The following DNM3 variants were observed in gnomAD, a reference collection of about 807,000 sequenced individuals.
DNM3 encodes the protein dynamin 3, also known as dynamin-3.
Under a neutral mutation model 101.6 loss-of-function variants are expected in DNM3, and 47 were observed. That is an observed-to-expected ratio of 0.46 (90% CI 0.37 to 0.59). The LOEUF is 0.59. Among genes scored for constraint, DNM3 ranks in the 20% least tolerant of loss-of-function variants. The pLI is 0.00. For missense variants in DNM3, 849 were observed against 1,085.7 expected, an observed-to-expected ratio of 0.78 and a Z score of 3.06; for synonymous variants, 385 against 387.9, an observed-to-expected ratio of 0.99 and a Z score of 0.09.
chr1:172,417,252 A>G (rs1397925805), downstream of DNM3, among the ~76,000 whole-genome samples: 1 of 152,150 alleles, frequency 6.6e-6, no homozygotes, highest in Non-Finnish European at 1.5e-5. Flanking sequence ...GAGTTCATTA[A>G]TGGTTTGGTT....
Position 172,354,256 on chromosome 1 carries a change from G to A in DNM3, c.1894-24762G>A, listed in dbSNP as rs1230267461. Among the ~76,000 whole-genome samples the A allele has an allele frequency of 4.6e-5, 7 of 152,198 alleles. No individual in the cohort carries two copies. In the East Asian group the frequency reaches 5.8e-4, roughly 13 times the overall value. On this transcript the variant is annotated intron_variant, in intron 17 of 20. Coordinates refer to ENST00000627582, the MANE Select transcript of DNM3 (RefSeq NM_015569.5). Reference sequence around the variant, plus strand: ...CTCTTGACCAGGAAGAGTTAGTCACGCAGACACTCTGAAGGATGAGAGAGA... The same window carrying A: ...CTCTTGACCAGGAAGAGTTAGTCACACAGACACTCTGAAGGATGAGAGAGA...
intron 2 of DNM3, among the ~76,000 whole-genome samples, chr1:171,980,457 C>T (rs1424166965): frequency 6.6e-6 from 1 of 152,114 alleles, no homozygotes; most frequent in Non-Finnish European, 1.5e-5. Flanking sequence ...GTGTTGGGAA[C>T]ATTCAAAATC....
rs777409762 is a variant in DNM3, at chr1:172,253,615, G to T, written c.1702G>T (p.Val568Phe). The T allele has an allele frequency of 2.5e-6, 4 of 1,593,486 alleles. No homozygotes were observed. In the Admixed American group the frequency reaches 7.0e-5, roughly 28 times the overall value. ...CATGCTTCCCTTGGACAACCTGAAA[G>T]TTCGGGATGTGGAAAAGAGCTTTAT... ...KYMLPLDNLK[V>F]RDVEKSFMSS... Residue 568 changes from valine (V) to phenylalanine (F), a missense_variant, in exon 15 of 21, where the codon GTT (valine) becomes TTT (phenylalanine). This residue lies in a region of DNM3 where 193 missense variants were observed against 238.4 expected (regional missense o/e 0.81). Transcript: ENST00000627582.
chr1:172,244,593 C>T (rs2061877446), intron 14 of DNM3, among the ~76,000 whole-genome samples: 1 of 152,126 alleles, frequency 6.6e-6, no homozygotes, highest in African/African-American at 2.4e-5. Context: ...AGCCAAAAAA[C>T]ACATGAAAAA....
intron 13 of DNM3, among the ~76,000 whole-genome samples, chr1:172,124,881 G>A (rs1471747029): frequency 6.6e-6 from 1 of 152,176 alleles, no homozygotes; most frequent in East Asian, 1.9e-4. Flanking sequence ...CTGTAAATGG[G>A]AAGACTCTTT....
intron 8 of DNM3, 45 bp from the exon 9 acceptor site, chr1:172,044,340 C>G (rs761470369): frequency 1.3e-6 from 2 of 1,487,836 alleles, no homozygotes; most frequent in Admixed American, 1.9e-5. Context: ...CAATATTATT[C>G]AAAGGAATTA....
chr1:171,958,114 C>T (rs1044099065), intron 2 of DNM3, among the ~76,000 whole-genome samples: 3 of 152,120 alleles, frequency 2.0e-5, no homozygotes, highest in Non-Finnish European at 2.9e-5. Context: ...GTGAAAGGCA[C>T]GTCTCACATG....
At chr1:172,024,782 C>T (rs1250607972) in intron 4 of DNM3, among the ~76,000 whole-genome samples, 4 of 152,228 alleles carry the variant, frequency 2.6e-5, no homozygotes, top group Admixed American at 6.5e-5. Context: ...AGATACTATG[C>T]TTTTCCCACG....
chr1:171,882,430 TAC>T (rs34753464), intron 1 of DNM3, among the ~76,000 whole-genome samples: 13,682 of 145,146 alleles, frequency 0.094, 726 homozygotes, highest in East Asian at 0.22. Context: ...TCTCTCTCTA[TAC>T]ACACACACAC....
chr1:172,062,476 T>G (rs185791714), intron 10 of DNM3, among the ~76,000 whole-genome samples: 18 of 152,018 alleles, frequency 1.2e-4, no homozygotes, highest in Non-Finnish European at 1.8e-4. Context: ...AACACTAGAG[T>G]TCTCTTCATT....
chr1:172,200,904 C>T lies in DNM3; in HGVS notation c.1660-52669C>T, dbSNP rs147306519. Among the ~76,000 whole-genome samples the T allele has an allele frequency of 1.2e-3, 178 of 152,200 alleles. 2 individuals carry two copies. Among genetic ancestry groups the T allele is most frequent in the Admixed American group, 8.6e-3 (131 of 15,258 alleles). Reference sequence around the variant, plus strand: ...GAATTTTATTTCTGTCATTACAGCCCGTTCAGCCTGGCCATTTGGAGGACA... The same window carrying T: ...GAATTTTATTTCTGTCATTACAGCCTGTTCAGCCTGGCCATTTGGAGGACA... On this transcript the variant is annotated intron_variant, in intron 14 of 20. Transcript: ENST00000627582.
chr1:172,390,966 C>A (rs962719406), intron 20 of DNM3, among the ~76,000 whole-genome samples: 2 of 152,126 alleles, frequency 1.3e-5, no homozygotes, highest in African/African-American at 4.8e-5. Context: ...CAGTACCCTT[C>A]AGAAAAATCA....
Position 171,841,672 on chromosome 1 carries a change from A to G in DNM3, c.16A>G (p.Met6Val). The G allele has an allele frequency of 6.2e-7, 1 of 1,611,248 alleles. No individual in the cohort carries two copies. The highest frequency in any genetic ancestry group is 1.1e-5 in the South Asian group (1 of 90,426). The change falls in exon 1 of 21, where the codon ATG becomes GTG. Residue 6 changes from methionine (M) to valine (V), a missense_variant. Met to Val is a conservative substitution (Grantham distance 21, BLOSUM62 1). This residue lies in a region of DNM3 where 388 missense variants were observed against 483.0 expected (regional missense o/e 0.80). Coordinates refer to ENST00000627582, the MANE Select transcript of DNM3 (RefSeq NM_015569.5). ...CTCGGGCAAGATGGGGAACCGGGAGATGGAGGAGCTGATCCCGCTGGTGAA... is the reference window on the plus strand; with the variant it reads ...CTCGGGCAAGATGGGGAACCGGGAGGTGGAGGAGCTGATCCCGCTGGTGAA... MGNREMEELIPLVNRL... is the reference protein window; with the variant it reads MGNREVEELIPLVNRL...
chr1:172,173,785 G>T (rs1427154682), intron 14 of DNM3, among the ~76,000 whole-genome samples: 1 of 151,688 alleles, frequency 6.6e-6, no homozygotes, highest in African/African-American at 2.4e-5. Flanking sequence ...TGCCTTTCAA[G>T]GATTTAATAT....
intron 16 of DNM3, among the ~76,000 whole-genome samples, chr1:172,317,775 A>C (rs1286176397): frequency 6.6e-6 from 1 of 152,216 alleles, no homozygotes; most frequent in Admixed American, 6.5e-5. Context: ...AGAGTCCAGG[A>C]CCAGATGGAT....
intron 4 of DNM3, among the ~76,000 whole-genome samples, chr1:172,017,999 G>A (rs187943250): frequency 1.3e-5 from 2 of 151,776 alleles, no homozygotes; most frequent in East Asian, 1.9e-4. Context: ...CTATTCTGTC[G>A]GATGTTAATA....
intron 13 of DNM3, among the ~76,000 whole-genome samples, chr1:172,116,779 A>G (rs2055928725): frequency 6.6e-6 from 1 of 152,218 alleles, no homozygotes; most frequent in African/African-American, 2.4e-5. Flanking sequence ...TACGTGAGAG[A>G]AGACCGTATG....
intron 14 of DNM3, among the ~76,000 whole-genome samples, chr1:172,229,914 T>C (rs2061270504): frequency 6.6e-6 from 1 of 152,150 alleles, no homozygotes; most frequent in Admixed American, 6.6e-5. Flanking sequence ...TGCTGGTCTT[T>C]GCTAGGACAG....
At position 171,841,541 on chromosome 1, in the gene DNM3, A is replaced by G. The variant is rs1355396228; in HGVS notation, c.-116A>G. On this transcript the variant is annotated 5_prime_UTR_variant, in exon 1 of 21. Coordinates refer to ENST00000627582, the MANE Select transcript of DNM3 (RefSeq NM_015569.5). ...GGCGGCGGGCTCCGACGTCTGCGCC[A>G]GGACCTGGCTGGCTGAGCCCGGCGC... 2.1e-6 allele frequency: 3 copies of G among 1,400,190 alleles called. No homozygotes were observed. Among genetic ancestry groups the G allele is most frequent in the Non-Finnish European group, 2.8e-6 (3 of 1,061,658 alleles). The allele number at this position is 1,400,190 out of a possible 1,614,324, so 86.7% of individuals were successfully genotyped here. A position where few individuals can be genotyped will look rare whatever the true frequency, so the allele number is the denominator to read the frequency against.
Sources: allele counts gnomAD v4.1 joint callset (sites outside exome capture counted in the v4.1 genomes callset), GRCh38; gene constraint gnomAD v4.1.1; regional missense constraint gnomAD v4.1.1; transcripts MANE v1.5; gene names NCBI Gene and HGNC (gene_info 2026-07-23, HGNC 2026-07-21).